CMTR1: variants seen among roughly 807,000 people sequenced by gnomAD.
CMTR1 encodes cap methyltransferase 1.
A neutral mutation model predicts 107.0 loss-of-function variants in CMTR1; 39 were observed. That is an observed-to-expected ratio of 0.36 (90% CI 0.28 to 0.48). The LOEUF is 0.48. Ranked by LOEUF, CMTR1 falls within the 20% of genes least tolerant of loss-of-function variation. The pLI, the probability that CMTR1 is intolerant of heterozygous loss-of-function variation, is 0.99. For missense variants in CMTR1, 672 were observed against 1,064.9 expected (o/e 0.63, Z 5.14); for synonymous variants, 366 against 379.5 (o/e 0.96, Z 0.41).
intron 2 of CMTR1, among the ~76,000 whole-genome samples, chr6:37,442,532 C>G (rs191770107): frequency 1.3e-5 from 2 of 152,316 alleles, no homozygotes; most frequent in East Asian, 3.9e-4. Flanking sequence ...GACATAGTTC[C>G]TGCTCTCCAG....
chr6:37,440,747 C>G (rs1465881528), intron 2 of CMTR1, among the ~76,000 whole-genome samples: 1 of 152,212 alleles, frequency 6.6e-6, no homozygotes, highest in African/African-American at 2.4e-5. Flanking sequence ...ATTTGGTTCT[C>G]CCTGTCATTT....
At chr6:37,424,988 G>A in the CMTR1 span, among the ~76,000 whole-genome samples, 5 of 123,644 alleles carry the variant, frequency 4.0e-5, no homozygotes, top group East Asian at 2.3e-4. Context: ...TGCTCTTGTC[G>A]CCCAGGCTGG....
chr6:37,462,767 G>T, intron 12 of CMTR1, 62 bp from the exon 13 acceptor site: 1 of 1,518,716 alleles, frequency 6.6e-7, no homozygotes, highest in Non-Finnish European at 9.1e-7. Context: ...AGGGGTTGGG[G>T]GAAAAGGAAT....
chr6:37,461,999 C>T lies in CMTR1; in HGVS notation c.1222C>T (p.Leu408=). 1.2e-6 allele frequency: 2 copies of T among 1,613,794 alleles called. No individual in the cohort carries two copies. Among genetic ancestry groups the T allele is most frequent in the African/African-American group, 1.3e-5 (1 of 74,918 alleles). The change falls in exon 12 of 24, where the codon CTG becomes TTG. Residue 408 remains leucine, a synonymous_variant. Transcript: ENST00000373451. ...CCACTTCATCTGTAAAACCTTTGAC[C>T]TGTTCACACCGTTTAGTGTGGGGCT... ...GGHFICKTFD[L]FTPFSVGLVY...
Position 37,459,694 on chromosome 6 carries a change from C to G in CMTR1, c.1095+10C>G. On this transcript the variant is annotated intron_variant, in intron 10 of 23. Coordinates refer to ENST00000373451, the MANE Select transcript of CMTR1 (RefSeq NM_015050.3). ...TCTGATGGCTGATGGGGTAGGTTAC[C>G]TTTTTTCCATAGACTGATGCATTAA... The G allele has an allele frequency of 6.3e-7, 1 of 1,580,288 alleles. No individual in the cohort carries two copies. The highest frequency in any genetic ancestry group is 1.1e-5 in the South Asian group (1 of 90,362).
chr6:37,454,563 A>G (rs1237668071), intron 8 of CMTR1, among the ~76,000 whole-genome samples: 1 of 152,192 alleles, frequency 6.6e-6, no homozygotes, highest in Non-Finnish European at 1.5e-5. Flanking sequence ...TGGCTTTTGT[A>G]TACAAATGCC....
chr6:37,444,651 C>G (rs776423616), intron 3 of CMTR1, among the ~76,000 whole-genome samples: 1 of 152,188 alleles, frequency 6.6e-6, no homozygotes, highest in Non-Finnish European at 1.5e-5. Flanking sequence ...AGAATGGTGA[C>G]TAGGAAGACC....
rs146898226 is a variant in CMTR1, at chr6:37,458,899, A to G, written c.976+89A>G. The stretch of plus-strand genomic sequence containing the variant: ...CAGAAGCAGTTGTTATCCACATGCC[A>G]TATTTTCTTTCCTAGGTCTCTTACC... On this transcript the variant is annotated intron_variant, in intron 9 of 23. Coordinates refer to ENST00000373451, the MANE Select transcript of CMTR1 (RefSeq NM_015050.3). This position sits in a 1 kb window ranked among gnomAD's most constrained non-coding sequence, Gnocchi z 4.7. The G allele has an allele frequency of 8.1e-3, 9,982 of 1,225,142 alleles. 67 individuals carry two copies. The highest frequency in any genetic ancestry group is 0.018 in the Middle Eastern group (67 of 3,690). 75.9% of individuals were successfully genotyped at this position (1,225,142 alleles called of 1,614,324 possible). A position where few individuals can be genotyped will look rare whatever the true frequency, so the allele number is the denominator to read the frequency against.
At chr6:37,463,985 T>C (rs555281745) in intron 13 of CMTR1, among the ~76,000 whole-genome samples, 2 of 152,292 alleles carry the variant, frequency 1.3e-5, no homozygotes, top group Admixed American at 6.5e-5. Context: ...CAAGTGTGCA[T>C]AGATGCATGG....
chr6:37,467,207 A>G (rs528085990), intron 13 of CMTR1, among the ~76,000 whole-genome samples: 1 of 152,310 alleles, frequency 6.6e-6, no homozygotes, highest in African/African-American at 2.4e-5. Flanking sequence ...ACATTTTGAT[A>G]TGTGTCTTTT....
At chr6:37,430,809 T>G (rs1581720796), upstream of CMTR1, among the ~76,000 whole-genome samples, 1 of 152,048 alleles carries the variant, frequency 6.6e-6, no homozygotes, top group Non-Finnish European at 1.5e-5. Context: ...GGTCAGGAGA[T>G]CAAGACCATC....
chr6:37,431,590 A>G (rs374518407), upstream of CMTR1, among the ~76,000 whole-genome samples: 26 of 152,324 alleles, frequency 1.7e-4, no homozygotes, highest in East Asian at 2.7e-3. Context: ...AGATGAGTCC[A>G]CAGGCCATTA....
At chr6:37,448,965 A>G (rs558240656) in intron 4 of CMTR1, among the ~76,000 whole-genome samples, 43 of 152,262 alleles carry the variant, frequency 2.8e-4, no homozygotes, top group African/African-American at 8.7e-4. Flanking sequence ...ATTTGAGACA[A>G]GGTCTTGCGC....
chr6:37,475,979 C>T, intron 19 of CMTR1, 147 bp from the exon 20 acceptor site: 1 of 729,664 alleles, frequency 1.4e-6, no homozygotes, highest in Non-Finnish European at 2.4e-6. Context: ...GGGCGGGCTT[C>T]CTGGGGGACA....
intron 4 of CMTR1, among the ~76,000 whole-genome samples, chr6:37,449,752 G>A (rs911304070): frequency 8.5e-5 from 13 of 152,212 alleles, no homozygotes; most frequent in African/African-American, 3.1e-4. Context: ...TAGGAATCCT[G>A]TTTACCAGTT....
chr6:37,468,885 AAAAT>A (rs369491638), intron 13 of CMTR1, among the ~76,000 whole-genome samples: 4,760 of 150,604 alleles, frequency 0.032, 231 homozygotes, highest in African/African-American at 0.11. Flanking sequence ...TCCGTCTCAA[AAAAT>A]AAATAAATAA....
Position 37,444,153 on chromosome 6 carries a change from A to G in CMTR1, c.285+3A>G, listed in dbSNP as rs753635014. The stretch of plus-strand genomic sequence containing the variant: ...ATAGCGTCTCCCAGAAGCTTATGGT[A>G]TGTCAGCGCTTGGGTTGGGTTTCTC... On this transcript the variant is annotated splice_donor_region_variant and intron_variant, in intron 3 of 23. Coordinates refer to ENST00000373451, the MANE Select transcript of CMTR1 (RefSeq NM_015050.3). 6 of 1,613,550 alleles carry G rather than the reference A, an allele frequency of 3.7e-6. No individual in the cohort carries two copies. The South Asian group carries it at 5.5e-5, about 15-fold the overall frequency.
rs148170675 is a variant in CMTR1, at chr6:37,450,362, G to T, written c.537+19G>T. 6.3e-7 allele frequency: 1 copy of T among 1,579,060 alleles called. No individual in the cohort carries two copies. Among genetic ancestry groups the T allele is most frequent in the African/African-American group, 1.3e-5 (1 of 74,208 alleles). Reference sequence around the variant, plus strand: ...GGGAAAGGTAGGCTTTCAGGAAAACGTACCCTGACTTCTTGGCATTCTCTT... The same window carrying T: ...GGGAAAGGTAGGCTTTCAGGAAAACTTACCCTGACTTCTTGGCATTCTCTT... On this transcript the variant is annotated intron_variant, in intron 5 of 23. Transcript: ENST00000373451.
chr6:37,480,353 G>T lies in CMTR1; in HGVS notation c.*208G>T. The T allele has an allele frequency of 7.3e-7, 1 of 1,361,086 alleles. No individual in the cohort carries two copies. The highest frequency in any genetic ancestry group is 1.5e-5 in the African/African-American group (1 of 65,454). The allele number at this position is 1,361,086 out of a possible 1,614,324, so 84.3% of individuals were successfully genotyped here. ...CACTCATGTTCCTTCTGGGACACCT[G>T]CCTGGGAACTTTCCCCTGCCAGGAC... is the stretch of plus-strand genomic sequence containing the variant. On this transcript the variant is annotated 3_prime_UTR_variant, in exon 24 of 24. Coordinates refer to ENST00000373451, the MANE Select transcript of CMTR1 (RefSeq NM_015050.3).
Sources: allele counts gnomAD v4.1 joint callset (sites outside exome capture counted in the v4.1 genomes callset), GRCh38; gene constraint gnomAD v4.1.1; non-coding constraint Gnocchi (gnomAD v3.1); transcripts MANE v1.5; gene names NCBI Gene and HGNC (gene_info 2026-07-23, HGNC 2026-07-21).